Variants in ULK4 observed in about 807,000 individuals in gnomAD.
ULK4 encodes unc-51 like kinase 4, also known as inactive serine/threonine-protein kinase ULK4.
Under a neutral mutation model 160.6 loss-of-function variants are expected in ULK4, and 133 were observed. The ratio of observed to expected loss-of-function variants is 0.83; its 90% CI spans 0.72 to 0.96. The LOEUF is 0.96. Among genes scored for constraint, ULK4 ranks in the 40% least tolerant of loss-of-function variants. The probability of loss-of-function intolerance (pLI) is 0.00; values close to 1 mark genes in which losing one functional copy is unlikely to be tolerated. For synonymous variants in ULK4, 534 were observed against 539.8 expected, an observed-to-expected ratio of 0.99 and a Z score of 0.15; for missense variants, 1,580 against 1,499.5, an observed-to-expected ratio of 1.05 and a Z score of -0.89.
At chr3:41,640,432 C>T (rs1221848614) in intron 30 of ULK4, among the ~76,000 whole-genome samples, 2 of 152,138 alleles carry the variant, frequency 1.3e-5, no homozygotes, top group Non-Finnish European at 2.9e-5. Flanking sequence ...TTTCACAATG[C>T]TTTCATGCCA....
chr3:41,619,662 C>G (rs961995305), intron 30 of ULK4, among the ~76,000 whole-genome samples: 1 of 151,648 alleles, frequency 6.6e-6, no homozygotes, highest in South Asian at 2.1e-4. Flanking sequence ...AGGAAAAAAA[C>G]GGGAAAGATC....
chr3:41,660,296 C>CA (rs138698771), intron 30 of ULK4, among the ~76,000 whole-genome samples: 9,397 of 140,348 alleles, frequency 0.067, 980 homozygotes, highest in African/African-American at 0.23. Context: ...AACTCCGTCT[C>CA]AAAAAAAAAA....
intron 19 of ULK4, among the ~76,000 whole-genome samples, chr3:41,802,135 T>A (rs752824707): frequency 8.6e-5 from 13 of 151,940 alleles, no homozygotes; most frequent in South Asian, 2.1e-4. Context: ...CCAGCAGAAC[T>A]GCACTACAAA....
intron 22 of ULK4, among the ~76,000 whole-genome samples, chr3:41,740,481 T>C (rs2038205459): frequency 6.6e-6 from 1 of 151,864 alleles, no homozygotes; most frequent in Admixed American, 6.6e-5. Context: ...GTCATAGTAA[T>C]ATGAGTATGA....
chr3:41,786,654 A>T (rs2040006393), intron 21 of ULK4, among the ~76,000 whole-genome samples: 1 of 151,906 alleles, frequency 6.6e-6, no homozygotes, highest in African/African-American at 2.4e-5. Context: ...TTTAATTGTT[A>T]ATCTTTTTAT....
At chr3:41,954,176 TAAAAAAAAAAA>T (rs11325222) in intron 2 of ULK4, among the ~76,000 whole-genome samples, 2 of 118,688 alleles carry the variant, frequency 1.7e-5, no homozygotes, top group African/African-American at 6.3e-5. Context: ...GACTCCGTCT[TAAAAAAAAAAA>T]AAAAAAAAGA....
chr3:41,473,533 A>T (rs1375001635), intron 32 of ULK4, among the ~76,000 whole-genome samples: 1 of 151,824 alleles, frequency 6.6e-6, no homozygotes, highest in Non-Finnish European at 1.5e-5. Context: ...ATGGTGGAAC[A>T]TGCCTGTAAT....
At chr3:41,337,541 G>GCA (rs141553126) in intron 35 of ULK4, among the ~76,000 whole-genome samples, 1 of 151,800 alleles carries the variant, frequency 6.6e-6, no homozygotes, top group Admixed American at 6.6e-5. Context: ...AGACGTGCAT[G>GCA]CACACACACA....
chr3:41,827,583 C>T (rs1283447760), intron 18 of ULK4, among the ~76,000 whole-genome samples: 2 of 152,070 alleles, frequency 1.3e-5, no homozygotes, highest in South Asian at 4.2e-4. Context: ...TATACACCCT[C>T]CCAAGACTAA....
At chr3:41,484,595 G>A (rs1575290206) in intron 32 of ULK4, among the ~76,000 whole-genome samples, 1 of 152,036 alleles carries the variant, frequency 6.6e-6, no homozygotes, top group Non-Finnish European at 1.5e-5. Flanking sequence ...TGGGACTACA[G>A]GCGCCCGCCA....
intron 35 of ULK4, among the ~76,000 whole-genome samples, chr3:41,296,236 C>A (rs374893647): frequency 1.1e-4 from 16 of 152,258 alleles, no homozygotes; most frequent in African/African-American, 3.6e-4. Context: ...AATCTCTGTA[C>A]TTTTCTCTTC....
In ULK4 at chr3:41,815,343, TTTTG is replaced by T. The variant is rs368614748; in HGVS notation, c.1848+4076_1848+4079del. 2.5e-3 allele frequency among the ~76,000 whole-genome samples: 374 copies of T among 152,360 alleles called. 1 individual carries two copies. Among genetic ancestry groups the T allele is most frequent in the African/African-American group, 7.9e-3 (329 of 41,588 alleles). On this transcript the variant is annotated intron_variant, in intron 19 of 36. Coordinates refer to ENST00000301831, the MANE Select transcript of ULK4 (RefSeq NM_017886.4). ...TCTGTTTTGTATTTCTTCGTGTCTTTTTTGTTTCTTTTTTTCCTAATTCCTTTCA... is the reference window on the plus strand; with the variant it reads ...TCTGTTTTGTATTTCTTCGTGTCTTTTTTCTTTTTTTCCTAATTCCTTTCA...
At chr3:41,753,344 C>A (rs1052219131) in intron 22 of ULK4, among the ~76,000 whole-genome samples, 2 of 152,118 alleles carry the variant, frequency 1.3e-5, no homozygotes, top group Non-Finnish European at 2.9e-5. Flanking sequence ...AAATTGTCAA[C>A]CCCTAATCTA....
chr3:41,705,985 G>A (rs143567118), intron 25 of ULK4, among the ~76,000 whole-genome samples: 82 of 152,198 alleles, frequency 5.4e-4, no homozygotes, highest in African/African-American at 1.9e-3. Flanking sequence ...GCTACCCTGA[G>A]TACAAACTGT....
intron 35 of ULK4, among the ~76,000 whole-genome samples, chr3:41,266,749 G>A (rs1219687392): frequency 6.6e-6 from 1 of 152,104 alleles, no homozygotes; most frequent in Non-Finnish European, 1.5e-5. Context: ...ATAAAGGCAG[G>A]AAAATAAATT....
intron 31 of ULK4, among the ~76,000 whole-genome samples, chr3:41,572,730 C>T (rs184038047): frequency 3.4e-5 from 5 of 148,482 alleles, no homozygotes; most frequent in African/African-American, 1.2e-4. Flanking sequence ...CGCGCCACTG[C>T]ACTCCAGCCT....
chr3:41,889,211 TTTAATA>T (rs1186062603), intron 16 of ULK4, among the ~76,000 whole-genome samples: 1 of 152,182 alleles, frequency 6.6e-6, no homozygotes, highest in Admixed American at 6.5e-5. Flanking sequence ...ATGTTTAACC[TTTAATA>T]TTAATAACAA....
chr3:41,340,628 C>T (rs1242439113), intron 35 of ULK4, among the ~76,000 whole-genome samples: 1 of 152,180 alleles, frequency 6.6e-6, no homozygotes. Context: ...CAGTATGAGA[C>T]ACATCTGGAG....
intron 35 of ULK4, among the ~76,000 whole-genome samples, chr3:41,339,403 G>C (rs2080634881): frequency 6.6e-6 from 1 of 152,062 alleles, no homozygotes; most frequent in Non-Finnish European, 1.5e-5. Context: ...GGCCTCAAGT[G>C]GTACAAATTC....
Sources: gnomAD v4.1 joint callset for allele counts (sites outside exome capture counted in the v4.1 genomes callset) on GRCh38, gnomAD v4.1.1 for gene constraint, MANE v1.5 for transcripts, NCBI Gene and HGNC (gene_info 2026-07-23, HGNC 2026-07-21) for gene names.